The following KCNMA1 variants were observed in gnomAD, a reference collection of about 807,000 sequenced individuals.
KCNMA1 encodes Calcium-activated potassium channel subunit alpha-1.
In KCNMA1, 29 loss-of-function variants were observed where a neutral mutation model predicts 140.0. The ratio of observed to expected loss-of-function variants is 0.21; its 90% confidence interval spans 0.15 to 0.28. The LOEUF (loss-of-function observed/expected upper bound fraction) is 0.28, where lower values mean the gene tolerates loss of function less well. Among genes scored for constraint, KCNMA1 ranks in the 10% least tolerant of loss-of-function variants. KCNMA1 has a pLI of 1.00. For missense variants in KCNMA1, 880 were observed against 1,602.2 expected (o/e 0.55, Z 7.70); for synonymous variants, 612 against 611.9 (o/e 1.00, Z 0.00).
chr10:77,263,745 C>T (rs552341011), intron 2 of KCNMA1, among the ~76,000 whole-genome samples: 6 of 152,244 alleles, frequency 3.9e-5, no homozygotes, highest in Non-Finnish European at 5.9e-5. Flanking sequence ...ACACCAACAT[C>T]GGCTGTGCAG....
chr10:76,941,162 G>GGGAAGGGAGGGAAGGGAA (rs2062217404), intron 23 of KCNMA1, among the ~76,000 whole-genome samples: 2 of 80,130 alleles, frequency 2.5e-5, no homozygotes, highest in East Asian at 5.5e-4. Flanking sequence ...AGGGAGGGAA[G>GGGAAGGGAGGGAAGGGAA]GGAAGGAAGG....
At chr10:77,090,681 G>A (rs975870924) in intron 9 of KCNMA1, 171 bp from the exon 10 acceptor site, 12 of 627,466 alleles carry the variant, frequency 1.9e-5, no homozygotes, top group Admixed American at 7.3e-5. Flanking sequence ...GCAAAGCAGC[G>A]GTGCTAGCAG....
chr10:77,295,787 C>CAAAAAAAAAAAAAAA lies in KCNMA1; in HGVS notation c.541-44546_541-44532dup, dbSNP rs36034012. 3.7e-4 allele frequency among the ~76,000 whole-genome samples: 16 copies of CAAAAAAAAAAAAAAA among 43,254 alleles called. 1 individual carries two copies. Among genetic ancestry groups the CAAAAAAAAAAAAAAA allele is most frequent in the Admixed American group, 1.1e-3 (3 of 2,814 alleles). 28.4% of individuals were successfully genotyped at this position (43,254 alleles called of 152,430 possible). A position where few individuals can be genotyped will look rare whatever the true frequency, so the allele number is the denominator to read the frequency against. The stretch of plus-strand genomic sequence containing the variant: ...TGGGCGACAGAGCGAGACTCCGTCT[C>CAAAAAAAAAAAAAAA]AAAAAAAAAAAAAAAAAAAAAAAAA... On this transcript the variant is annotated intron_variant, in intron 2 of 27. Transcript: ENST00000286628.
chr10:76,984,262 G>A (rs1172549945), intron 19 of KCNMA1, among the ~76,000 whole-genome samples: 1 of 151,996 alleles, frequency 6.6e-6, no homozygotes, highest in Non-Finnish European at 1.5e-5. Context: ...GAATGCAGTG[G>A]TGCAATCTTG....
At chr10:77,162,158 G>T (rs2098562174) in intron 5 of KCNMA1, among the ~76,000 whole-genome samples, 1 of 152,292 alleles carries the variant, frequency 6.6e-6, no homozygotes, top group Admixed American at 6.5e-5. Flanking sequence ...TTATGTAAAA[G>T]AACTGTAATC....
rs141946148 is a variant in KCNMA1 at position 77,558,822 on chromosome 10, G to A, written c.378+78443C>T. ...ACAGACAATGGGAAGTAAGCATCAAGCCAGGTACCTTGACACAGTACCTCT... is the reference window on the plus strand; with the variant it reads ...ACAGACAATGGGAAGTAAGCATCAAACCAGGTACCTTGACACAGTACCTCT... On this transcript the variant is annotated intron_variant, in intron 1 of 27. Transcript: ENST00000286628. 5.0e-3 allele frequency among the ~76,000 whole-genome samples: 766 copies of A among 152,330 alleles called. 4 individuals are homozygous for A. The highest frequency in any genetic ancestry group is 0.02 in the Middle Eastern group (6 of 294).
At chr10:77,104,495 C>T (rs918089138) in intron 9 of KCNMA1, among the ~76,000 whole-genome samples, 1 of 152,170 alleles carries the variant, frequency 6.6e-6, no homozygotes, top group Non-Finnish European at 1.5e-5. Context: ...ATTCCCCTCT[C>T]GTGTGCCCTG....
chr10:77,184,343 C>A (rs2098829320), intron 4 of KCNMA1, among the ~76,000 whole-genome samples: 1 of 152,154 alleles, frequency 6.6e-6, no homozygotes, highest in African/African-American at 2.4e-5. Context: ...TCTCAGCCTC[C>A]TGAGTAGCTG....
intron 29 of KCNMA1, among the ~76,000 whole-genome samples, chr10:76,879,708 T>G (rs2033808982): frequency 6.6e-6 from 1 of 152,224 alleles, no homozygotes. Flanking sequence ...AATCCGGGAC[T>G]GTGTACACAT....
intron 1 of KCNMA1, among the ~76,000 whole-genome samples, chr10:77,471,872 T>C (rs1377531971): frequency 6.6e-6 from 1 of 150,958 alleles, no homozygotes. Context: ...ATCACACATA[T>C]ATACACACAC....
chr10:76,945,686 C>T (rs900293686), intron 22 of KCNMA1, among the ~76,000 whole-genome samples: 1 of 151,372 alleles, frequency 6.6e-6, no homozygotes, highest in Non-Finnish European at 1.5e-5. Flanking sequence ...AAAATGTATG[C>T]AGGAGGTAAA....
At chr10:76,892,123 T>C (rs1285821637) in intron 25 of KCNMA1, among the ~76,000 whole-genome samples, 1 of 152,196 alleles carries the variant, frequency 6.6e-6, no homozygotes, top group Admixed American at 6.5e-5. Context: ...GCATTGTCTC[T>C]GAGGCCCTGT....
chr10:77,230,456 G>T lies in KCNMA1; in HGVS notation c.602+20739C>A, dbSNP rs543461434. Among the ~76,000 whole-genome samples, 42 of 152,320 alleles carry T rather than the reference G, an allele frequency of 2.8e-4. No individual in the cohort carries two copies. The South Asian group carries it at 8.5e-3, about 31-fold the overall frequency. ...GTTACTTTTATGCTCTGTGAATTTTGCCAGGATTAAGAAAACAAAAGAGTG... is the reference window on the plus strand; with the variant it reads ...GTTACTTTTATGCTCTGTGAATTTTTCCAGGATTAAGAAAACAAAAGAGTG... On this transcript the variant is annotated intron_variant, in intron 3 of 27. Coordinates refer to ENST00000286628, the MANE Select transcript of KCNMA1 (RefSeq NM_001161352.2).
At chr10:77,255,030 G>T (rs557330540) in intron 2 of KCNMA1, among the ~76,000 whole-genome samples, 1 of 152,324 alleles carries the variant, frequency 6.6e-6, no homozygotes, top group Admixed American at 6.5e-5. Context: ...TTGCTTGAGA[G>T]CCTGTCCTGG....
chr10:77,350,658 CCTAT>C (rs559760392), intron 2 of KCNMA1: 42 of 152,278 alleles, frequency 2.8e-4, no homozygotes, highest in Admixed American at 7.2e-4. Flanking sequence ...AATTCCAGTC[CCTAT>C]CTATCAGGGA....
At chr10:77,342,276 T>C (rs2091110513) in intron 2 of KCNMA1, among the ~76,000 whole-genome samples, 1 of 152,196 alleles carries the variant, frequency 6.6e-6, no homozygotes, top group Non-Finnish European at 1.5e-5. Context: ...AAAAACACAA[T>C]GTAGCATTTA....
intron 14 of KCNMA1, among the ~76,000 whole-genome samples, chr10:77,069,549 G>A (rs565224513): frequency 5.3e-4 from 80 of 152,274 alleles, no homozygotes; most frequent in African/African-American, 1.9e-3. Context: ...AAAATATTTA[G>A]CAGTAGTTAG....
At chr10:77,492,508 C>A (rs1404247168) in intron 1 of KCNMA1, among the ~76,000 whole-genome samples, 1 of 152,220 alleles carries the variant, frequency 6.6e-6, no homozygotes, top group African/African-American at 2.4e-5. Flanking sequence ...GTTCAGGGAA[C>A]TTTCCTGAGG....
At position 77,348,564 on chromosome 10, in the gene KCNMA1, T is replaced by C. The variant is rs139231890; in HGVS notation, c.540+55298A>G. ...CCAGCCCAGAACCTGCTGGAATCAA[T>C]AGTCTTTAACACAACTGTGACATTA... On this transcript the variant is annotated intron_variant, in intron 2 of 27. Transcript: ENST00000286628. 7.2e-5 allele frequency among the ~76,000 whole-genome samples: 11 copies of C among 152,336 alleles called. 2 individuals carry two copies. The highest frequency in any genetic ancestry group is 2.6e-4 in the African/African-American group (11 of 41,584).
Sources: gnomAD v4.1 joint callset for allele counts (sites outside exome capture counted in the v4.1 genomes callset) on GRCh38, gnomAD v4.1.1 for gene constraint, MANE v1.5 for transcripts, NCBI Gene and HGNC (gene_info 2026-07-23, HGNC 2026-07-21) for gene names.